PTPRK: variants seen among roughly 807,000 people sequenced by gnomAD.
The protein encoded by PTPRK is receptor-type tyrosine-protein phosphatase kappa.
A neutral mutation model predicts 178.0 loss-of-function variants in PTPRK; 75 were observed. The observed-to-expected ratio is 0.42, with a 90% CI of 0.35 to 0.51. PTPRK has a LOEUF of 0.51. Ranked by LOEUF, PTPRK falls within the 20% of genes least tolerant of loss-of-function variation. The pLI is 0.02. For synonymous variants in PTPRK, 637 were observed against 620.6 expected, an observed-to-expected ratio of 1.03 and a Z score of -0.39; for missense variants, 1,441 against 1,797.8, an observed-to-expected ratio of 0.80 and a Z score of 3.59.
chr6:128,148,091 A>G (rs754633856), intron 7 of PTPRK, among the ~76,000 whole-genome samples: 10 of 152,184 alleles, frequency 6.6e-5, no homozygotes, highest in Non-Finnish European at 1.5e-4. Flanking sequence ...GTGAAAAACA[A>G]TCACAGCCCA....
intron 1 of PTPRK, among the ~76,000 whole-genome samples, chr6:128,472,080 T>A (rs900887885): frequency 6.6e-6 from 1 of 151,928 alleles, no homozygotes; most frequent in Non-Finnish European, 1.5e-5. Flanking sequence ...AAAGTAGAAG[T>A]TGACAGCAAC....
chr6:128,008,086 A>G (rs1778633157), intron 14 of PTPRK: 1 of 1,343,726 alleles, frequency 7.4e-7, no homozygotes, highest in Admixed American at 1.9e-5. Context: ...CAACATATAT[A>G]TCTCCAGGGG....
At chr6:128,125,602 C>CT (rs869038931) in intron 7 of PTPRK, among the ~76,000 whole-genome samples, 1,145 of 68,418 alleles carry the variant, frequency 0.017, 192 homozygotes, top group African/African-American at 0.044. Context: ...TTGGGCTTTT[C>CT]TTTTTTTTTT....
chr6:128,326,223 G>A (rs887723514), intron 2 of PTPRK, among the ~76,000 whole-genome samples: 1 of 152,040 alleles, frequency 6.6e-6, no homozygotes, highest in Non-Finnish European at 1.5e-5. Flanking sequence ...ACGGGTTGAC[G>A]AGTGCAGCAA....
Position 128,009,105 on chromosome 6 carries a change from G to A in PTPRK, c.2333+25C>T, listed in dbSNP as rs1382055050. On this transcript the variant is annotated intron_variant, in intron 14 of 29. Coordinates refer to ENST00000368226, the MANE Select transcript of PTPRK (RefSeq NM_002844.4). ...CCAGTGACATAAATGGTAAGTGAGT[G>A]GGACAGGACAATATTAGGCCTTACC... The A allele has an allele frequency of 8.8e-6, 14 of 1,585,592 alleles. No homozygotes were observed. The Middle Eastern group carries it at 5.0e-4, about 57-fold the overall frequency.
At chr6:128,259,764 A>G (rs1242005634) in intron 3 of PTPRK, among the ~76,000 whole-genome samples, 3 of 152,178 alleles carry the variant, frequency 2.0e-5, no homozygotes, top group Non-Finnish European at 4.4e-5. Flanking sequence ...AAAAATTCTA[A>G]GTATACTACC....
At chr6:128,112,203 T>C (rs939008177) in intron 7 of PTPRK, among the ~76,000 whole-genome samples, 3 of 152,094 alleles carry the variant, frequency 2.0e-5, no homozygotes, top group South Asian at 2.1e-4. Context: ...GCATTCTTAA[T>C]GTGTATTTTA....
intron 13 of PTPRK, among the ~76,000 whole-genome samples, chr6:128,026,805 T>C (rs1774389111): frequency 6.6e-6 from 1 of 152,158 alleles, no homozygotes; most frequent in African/African-American, 2.4e-5. Flanking sequence ...AAATTGTGGT[T>C]GACCCAACAC....
At chr6:128,087,844 C>CTT (rs1786184941) in intron 8 of PTPRK, among the ~76,000 whole-genome samples, 2 of 152,226 alleles carry the variant, frequency 1.3e-5, no homozygotes, top group East Asian at 3.9e-4. Context: ...GGTTAAAGGG[C>CTT]TCTCACTTCT....
intron 1 of PTPRK, among the ~76,000 whole-genome samples, chr6:128,435,046 C>CAGGCAGGA (rs1845345674): frequency 2.8e-5 from 2 of 72,428 alleles, no homozygotes; most frequent in Non-Finnish European, 5.1e-5. Flanking sequence ...GGCAGGAAGG[C>CAGGCAGGA]AGGAAGGAAG....
At chr6:128,511,212 C>T (rs551051348) in intron 1 of PTPRK, among the ~76,000 whole-genome samples, 59 of 152,354 alleles carry the variant, frequency 3.9e-4, no homozygotes, top group Middle Eastern at 3.4e-3. Flanking sequence ...CCTCTTTCCT[C>T]TCTTTCTCTT....
intron 2 of PTPRK, among the ~76,000 whole-genome samples, chr6:128,363,469 A>G (rs918146365): frequency 2.6e-5 from 4 of 152,212 alleles, no homozygotes; most frequent in Admixed American, 1.3e-4. Flanking sequence ...AGGAACTACA[A>G]TACAATCTAA....
chr6:128,063,654 A>G (rs990803927), intron 13 of PTPRK: 3 of 152,226 alleles, frequency 2.0e-5, no homozygotes, highest in Non-Finnish European at 4.4e-5. Flanking sequence ...GTATCTGTGT[A>G]TATTTTCTCT....
At chr6:128,043,355 T>C (rs1370710690) in intron 13 of PTPRK, among the ~76,000 whole-genome samples, 1 of 152,090 alleles carries the variant, frequency 6.6e-6, no homozygotes, top group Non-Finnish European at 1.5e-5. Flanking sequence ...CTGTCTGTAC[T>C]GCCTCAGAAA....
Position 128,363,481 on chromosome 6 carries a change from T to C in PTPRK, c.223+34085A>G, listed in dbSNP as rs566750708. 3.3e-5 allele frequency among the ~76,000 whole-genome samples: 5 copies of C among 152,304 alleles called. No individual in the cohort carries two copies. In the East Asian group the frequency reaches 9.6e-4, roughly 29 times the overall value. On this transcript the variant is annotated intron_variant, in intron 2 of 29. Transcript: ENST00000368226. Reference sequence around the variant, plus strand: ...ATTAGGAACTACAATACAATCTAAGTTGACTTGAATACCTTTCAAAATCAA... The same window carrying C: ...ATTAGGAACTACAATACAATCTAAGCTGACTTGAATACCTTTCAAAATCAA...
chr6:128,430,779 G>C (rs1333799298), intron 1 of PTPRK, among the ~76,000 whole-genome samples: 1 of 152,056 alleles, frequency 6.6e-6, no homozygotes, highest in Non-Finnish European at 1.5e-5. Flanking sequence ...TTTGGATTAG[G>C]AAGTCTACTG....
chr6:128,398,662 A>G (rs939338327), intron 1 of PTPRK, among the ~76,000 whole-genome samples: 1 of 152,234 alleles, frequency 6.6e-6, no homozygotes, highest in Non-Finnish European at 1.5e-5. Context: ...TTTAGGGTCT[A>G]AAGTGTTTGA....
At chr6:127,999,339 G>A (rs1777529964) in intron 15 of PTPRK, among the ~76,000 whole-genome samples, 1 of 151,850 alleles carries the variant, frequency 6.6e-6, no homozygotes, top group Non-Finnish European at 1.5e-5. Flanking sequence ...CGATCTAGGT[G>A]ACCCATCCCC....
chr6:128,058,453 C>T (rs926340445), intron 13 of PTPRK, among the ~76,000 whole-genome samples: 1 of 152,130 alleles, frequency 6.6e-6, no homozygotes, highest in African/African-American at 2.4e-5. Flanking sequence ...TTCCTTCTCT[C>T]TTAAGTGCTC....
Sources: gnomAD v4.1 joint callset for allele counts (sites outside exome capture counted in the v4.1 genomes callset) on GRCh38, gnomAD v4.1.1 for gene constraint, MANE v1.5 for transcripts, NCBI Gene and HGNC (gene_info 2026-07-23, HGNC 2026-07-21) for gene names.